The following TMEM17 variants were observed in gnomAD, a reference collection of about 807,000 sequenced individuals.
TMEM17 encodes transmembrane protein 17.
Under a neutral mutation model 19.1 loss-of-function variants are expected in TMEM17, and 15 were observed. That is an observed-to-expected ratio of 0.78 (90% CI 0.52 to 1.21). TMEM17 has a LOEUF of 1.21. Ranked by LOEUF, TMEM17 falls within the 50% of genes most tolerant of loss-of-function variation. TMEM17 has a pLI of 0.00. For missense variants in TMEM17, 245 were observed against 242.3 expected, an observed-to-expected ratio of 1.01 and a Z score of -0.07; for synonymous variants, 103 against 86.9, an observed-to-expected ratio of 1.19 and a Z score of -1.03.
At chr2:62,473,906 A>G in the TMEM17 span, among the ~76,000 whole-genome samples, 1 of 152,198 alleles carries the variant, frequency 6.6e-6, no homozygotes, top group East Asian at 1.9e-4. Flanking sequence ...GCTTGAACTG[A>G]TCATTGCAGA....
chr2:62,490,572 C>A, the TMEM17 span, among the ~76,000 whole-genome samples: 5 of 151,936 alleles, frequency 3.3e-5, no homozygotes, highest in African/African-American at 1.2e-4. Flanking sequence ...TCTTTTAAAA[C>A]CTTATTATAA....
At chr2:62,473,217 A>G in the TMEM17 span, among the ~76,000 whole-genome samples, 1 of 152,330 alleles carries the variant, frequency 6.6e-6, no homozygotes, top group East Asian at 1.9e-4. Flanking sequence ...TCTGAATACC[A>G]GTGAAGTAGG....
At chr2:62,476,125 G>T in the TMEM17 span, among the ~76,000 whole-genome samples, 2 of 152,216 alleles carry the variant, frequency 1.3e-5, no homozygotes, top group Non-Finnish European at 2.9e-5. Context: ...TGTCAAATAA[G>T]ATAGGGAGCC....
At chr2:62,471,958 C>T in the TMEM17 span, among the ~76,000 whole-genome samples, 3 of 152,324 alleles carry the variant, frequency 2.0e-5, no homozygotes, top group South Asian at 6.2e-4. Context: ...ATTGGAAGAG[C>T]AAGAACTCAG....
At chr2:62,488,792 CTT>C in the TMEM17 span, among the ~76,000 whole-genome samples, 45,778 of 119,196 alleles carry the variant, frequency 0.38, 8,484 homozygotes, top group African/African-American at 0.56. Context: ...TTTTATTCTA[CTT>C]TTTTTTTTTT....
intron 1 of TMEM17, among the ~76,000 whole-genome samples, chr2:62,504,044 T>G (rs1316429176): frequency 2.6e-5 from 4 of 152,230 alleles, no homozygotes; most frequent in Non-Finnish European, 4.4e-5. Flanking sequence ...CACGTAAGAT[T>G]TTAAAGGCTC....
At chr2:62,497,081 C>G (rs1389231585), downstream of TMEM17, among the ~76,000 whole-genome samples, 1 of 152,222 alleles carries the variant, frequency 6.6e-6, no homozygotes, top group Non-Finnish European at 1.5e-5. Context: ...AAAAGACCCT[C>G]CTAATATCTG....
rs911731998 is a variant in TMEM17, at chr2:62,501,050, T to C, written c.*159A>G. The C allele has an allele frequency of 2.9e-5, 22 of 750,094 alleles. No homozygotes were observed. Among genetic ancestry groups the C allele is most frequent in the Admixed American group, 1.5e-4 (5 of 34,218 alleles). 46.5% of individuals were successfully genotyped at this position (750,094 alleles called of 1,614,324 possible). A position where few individuals can be genotyped will look rare whatever the true frequency, so the allele number is the denominator to read the frequency against. On this transcript the variant is annotated 3_prime_UTR_variant, in exon 4 of 4. Transcript: ENST00000335390. ...AGGGTTAATATACTGTTTCATATACTGTACAAAGTTTCATCATTGCCCCCA... is the reference window on the plus strand; with the variant it reads ...AGGGTTAATATACTGTTTCATATACCGTACAAAGTTTCATCATTGCCCCCA...
At chr2:62,490,262 T>TATTA in the TMEM17 span, among the ~76,000 whole-genome samples, 1 of 151,884 alleles carries the variant, frequency 6.6e-6, no homozygotes, top group African/African-American at 2.4e-5. Context: ...GATGCATGTG[T>TATTA]GTATTATTAT....
At chr2:62,479,655 G>A in the TMEM17 span, among the ~76,000 whole-genome samples, 1 of 152,130 alleles carries the variant, frequency 6.6e-6, no homozygotes, top group Non-Finnish European at 1.5e-5. Flanking sequence ...GGAGGCCGAG[G>A]CCAGCAGACT....
the TMEM17 span, among the ~76,000 whole-genome samples, chr2:62,480,316 C>A: frequency 1.3e-5 from 2 of 151,738 alleles, no homozygotes; most frequent in African/African-American, 4.8e-5. Context: ...CTGGATATTA[C>A]TTCTCCTCCA....
At chr2:62,459,527 T>A in the TMEM17 span, among the ~76,000 whole-genome samples, 4 of 152,252 alleles carry the variant, frequency 2.6e-5, no homozygotes, top group African/African-American at 9.6e-5. Flanking sequence ...CTTTCCCGGC[T>A]GTCACAACAA....
At chr2:62,490,326 C>T in the TMEM17 span, among the ~76,000 whole-genome samples, 2 of 152,084 alleles carry the variant, frequency 1.3e-5, no homozygotes, top group Non-Finnish European at 2.9e-5. Context: ...TGCGGTGGCA[C>T]AATCCTGGCT....
chr2:62,501,381 G>C lies in TMEM17; in HGVS notation c.425C>G (p.Ala142Gly). The C allele has an allele frequency of 6.2e-7, 1 of 1,614,170 alleles. No individual in the cohort carries two copies. Among genetic ancestry groups the C allele is most frequent in the Non-Finnish European group, 8.5e-7 (1 of 1,180,034 alleles). The change falls in exon 4 of 4, where the codon GCG becomes GGG. Residue 142 changes from alanine to glycine, a missense_variant. Transcript: ENST00000335390. ...GAAGAGAGTGAAGATGATATGTATC[G>C]CTTTTTCCAAGGGCAGATTTGTTAG... ...EGLTNLPLEK[A>G]IHIIFTLFLA...
chr2:62,489,456 C>T, the TMEM17 span, among the ~76,000 whole-genome samples: 1 of 152,318 alleles, frequency 6.6e-6, no homozygotes, highest in East Asian at 1.9e-4. Context: ...CACATGTTGA[C>T]TCATGACTGC....
the TMEM17 span, among the ~76,000 whole-genome samples, chr2:62,487,701 CTTTG>C: frequency 1.3e-5 from 2 of 152,194 alleles, no homozygotes; most frequent in Non-Finnish European, 2.9e-5. Flanking sequence ...TCCAAGTTTA[CTTTG>C]TTTGTTCGAG....
the TMEM17 span, among the ~76,000 whole-genome samples, chr2:62,486,980 C>T: frequency 5.9e-5 from 9 of 152,120 alleles, no homozygotes; most frequent in East Asian, 1.2e-3. Context: ...CAGTGTATTT[C>T]ACTCAGCTCT....
the TMEM17 span, among the ~76,000 whole-genome samples, chr2:62,482,737 G>A: frequency 3.3e-5 from 5 of 152,198 alleles, no homozygotes; most frequent in African/African-American, 9.6e-5. Flanking sequence ...TCAACATGTC[G>A]AGCACGCTCA....
chr2:62,466,397 G>A, the TMEM17 span, among the ~76,000 whole-genome samples: 1 of 152,218 alleles, frequency 6.6e-6, no homozygotes, highest in Non-Finnish European at 1.5e-5. Context: ...GCAAAAGGGA[G>A]AAAATGGATG....
Sources: allele counts gnomAD v4.1 joint callset (sites outside exome capture counted in the v4.1 genomes callset), GRCh38; gene constraint gnomAD v4.1.1; transcripts MANE v1.5; gene names NCBI Gene and HGNC (gene_info 2026-07-23, HGNC 2026-07-21).